The following GNAO1 variants were observed in gnomAD, a reference collection of about 807,000 sequenced individuals.
The protein encoded by GNAO1 is guanine nucleotide-binding protein G(o) subunit alpha.
For synonymous variants in GNAO1, 164 were observed against 180.7 expected (o/e 0.91, Z 0.74); for missense variants, 166 against 478.7 (o/e 0.35, Z 6.10).
chr16:56,261,669 G>T (rs1292712491), intron 2 of GNAO1, among the ~76,000 whole-genome samples: 1 of 152,042 alleles, frequency 6.6e-6, no homozygotes. Flanking sequence ...GCTGATCCCC[G>T]AAATGCCCAA....
In GNAO1 at chr16:56,220,673, G is replaced by C. The variant is rs574755972; in HGVS notation, c.161+28057G>C. Among the ~76,000 whole-genome samples the C allele has an allele frequency of 1.1e-4, 16 of 152,324 alleles. No homozygotes were observed. In the South Asian group the frequency reaches 3.3e-3, roughly 32 times the overall value. On this transcript the variant is annotated intron_variant, in intron 2 of 8. Transcript: ENST00000262493. ...CTCTAATGCAACAGTATTTAGAGGTGAGGCCTTTAGGAGGTGCTTAGGTCA... is the reference window on the plus strand; with the variant it reads ...CTCTAATGCAACAGTATTTAGAGGTCAGGCCTTTAGGAGGTGCTTAGGTCA...
intron 4 of GNAO1, among the ~76,000 whole-genome samples, chr16:56,331,200 G>A (rs1275741718): frequency 6.6e-6 from 1 of 152,158 alleles, no homozygotes; most frequent in Non-Finnish European, 1.5e-5. Context: ...GAGGGACCAG[G>A]GCACAGGCTC....
chr16:56,261,555 A>C (rs1234977641), intron 2 of GNAO1, among the ~76,000 whole-genome samples: 1 of 152,234 alleles, frequency 6.6e-6, no homozygotes, highest in South Asian at 2.1e-4. Flanking sequence ...AGCATTTTCC[A>C]GGCTGGCTAG....
chr16:56,278,770 G>A (rs2037087742), intron 3 of GNAO1, among the ~76,000 whole-genome samples: 1 of 152,156 alleles, frequency 6.6e-6, no homozygotes. Flanking sequence ...GGGAGGACGA[G>A]GGGACAGAAA....
intron 2 of GNAO1, among the ~76,000 whole-genome samples, chr16:56,195,218 A>T (rs1467109352): frequency 6.6e-6 from 1 of 152,114 alleles, no homozygotes; most frequent in African/African-American, 2.4e-5. Context: ...TCTGTTCAAA[A>T]GGTCCATCAC....
chr16:56,283,079 C>T (rs2037129729), intron 3 of GNAO1, among the ~76,000 whole-genome samples: 1 of 152,212 alleles, frequency 6.6e-6, no homozygotes, highest in Non-Finnish European at 1.5e-5. Context: ...AAGATGTTAT[C>T]TTTAGTTTCC....
chr16:56,346,081 T>G, intron 6 of GNAO1: 4 of 985,600 alleles, frequency 4.1e-6, no homozygotes, highest in Non-Finnish European at 4.8e-6. Context: ...CAGCCTGCCT[T>G]TCTCTTCCTT....
chr16:56,336,753 C>A lies in GNAO1; in HGVS notation c.616C>A (p.Arg206=), dbSNP rs2037743862. The part of the protein sequence containing the change: ...HFRLFDVGGQ[R]SERKKWIHCF... ...CAGGCTGTTTGACGTCGGAGGCCAG[C>A]GATCTGAACGCAAGAAGTGGATCCA... The change falls in exon 6 of 9, where the codon CGA becomes AGA. Residue 206 remains arginine, a synonymous_variant. Transcript: ENST00000262493. 3 of 1,612,548 alleles carry A rather than the reference C, an allele frequency of 1.9e-6. No individual in the cohort carries two copies. In the Admixed American group the frequency reaches 5.0e-5, roughly 27 times the overall value.
At chr16:56,350,598 T>A (rs1336864639) in intron 6 of GNAO1, among the ~76,000 whole-genome samples, 1 of 152,148 alleles carries the variant, frequency 6.6e-6, no homozygotes, top group African/African-American at 2.4e-5. Context: ...ACATCTGCCT[T>A]GCTTAGAACA....
intron 7 of GNAO1, chr16:56,352,809 A>G (rs2037936814): frequency 6.6e-6 from 1 of 152,348 alleles, no homozygotes; most frequent in African/African-American, 2.4e-5. Flanking sequence ...AGGTGGGGCC[A>G]GGAACTGTGC....
intron 6 of GNAO1, chr16:56,347,363 A>G (rs547438380): frequency 1.0e-6 from 1 of 985,556 alleles, no homozygotes; most frequent in East Asian, 1.1e-4. Context: ...GCAAGCCTAG[A>G]GCGCAGGATC....
intron 3 of GNAO1, among the ~76,000 whole-genome samples, chr16:56,289,220 C>G (rs2037206141): frequency 6.6e-6 from 1 of 152,208 alleles, no homozygotes; most frequent in African/African-American, 2.4e-5. Context: ...ACTTGGGCCA[C>G]TTGCCCCACA....
At chr16:56,348,969 G>A (rs1019337392) in intron 6 of GNAO1, among the ~76,000 whole-genome samples, 2 of 152,188 alleles carry the variant, frequency 1.3e-5, no homozygotes, top group South Asian at 2.1e-4. Context: ...CTGAGCTCTC[G>A]GAGAGCAGGA....
chr16:56,202,000 A>C (rs573175825), intron 2 of GNAO1, among the ~76,000 whole-genome samples: 1 of 152,290 alleles, frequency 6.6e-6, no homozygotes, highest in African/African-American at 2.4e-5. Context: ...TAGTAGGCTG[A>C]GTGAGAAGGA....
At chr16:56,238,322 C>T (rs1420718103) in intron 2 of GNAO1, among the ~76,000 whole-genome samples, 2 of 152,180 alleles carry the variant, frequency 1.3e-5, no homozygotes, top group Non-Finnish European at 2.9e-5. Flanking sequence ...TGCATCCTTT[C>T]CTAAAGGCTG....
intron 2 of GNAO1, among the ~76,000 whole-genome samples, chr16:56,241,323 CAT>C (rs1567451496): frequency 6.6e-6 from 1 of 152,174 alleles, no homozygotes. Context: ...TCCTCAGGCT[CAT>C]GTGCAGCACT....
chr16:56,338,984 A>G (rs564451375), intron 6 of GNAO1, among the ~76,000 whole-genome samples: 1 of 152,366 alleles, frequency 6.6e-6, no homozygotes, highest in South Asian at 2.1e-4. Flanking sequence ...AATGGAGCCA[A>G]GGTCACAGGC....
chr16:56,338,008 C>T (rs1378292528), intron 6 of GNAO1, among the ~76,000 whole-genome samples: 1 of 152,220 alleles, frequency 6.6e-6, no homozygotes, highest in Non-Finnish European at 1.5e-5. Flanking sequence ...TGTTGTCATG[C>T]TGGGCCTTGA....
At chr16:56,260,908 T>G (rs941779461) in intron 2 of GNAO1, among the ~76,000 whole-genome samples, 1 of 152,106 alleles carries the variant, frequency 6.6e-6, no homozygotes, top group African/African-American at 2.4e-5. Context: ...GTGAATGTAT[T>G]TCTCTGGCAA....
Sources: allele counts gnomAD v4.1 joint callset (sites outside exome capture counted in the v4.1 genomes callset), GRCh38; gene constraint gnomAD v4.1.1; transcripts MANE v1.5; gene names NCBI Gene and HGNC (gene_info 2026-07-23, HGNC 2026-07-21).